FAT3: variants seen among roughly 807,000 people sequenced by gnomAD.
The protein encoded by FAT3 is protocadherin Fat 3.
A neutral mutation model predicts 310.2 loss-of-function variants in FAT3; 95 were observed. That is an observed-to-expected ratio of 0.31 (90% CI 0.26 to 0.36). The LOEUF is 0.36. Among genes scored for constraint, FAT3 ranks in the 10% least tolerant of loss-of-function variants. The probability of loss-of-function intolerance (pLI) is 1.00; values close to 1 mark genes in which losing one functional copy is unlikely to be tolerated. For synonymous variants in FAT3, 2,314 were observed against 2,192.9 expected, an observed-to-expected ratio of 1.06 and a Z score of -1.54; for missense variants, 5,408 against 5,715.6, an observed-to-expected ratio of 0.95 and a Z score of 1.74.
chr11:92,345,925 T>A (rs1330959336), intron 1 of FAT3, among the ~76,000 whole-genome samples: 1 of 152,208 alleles, frequency 6.6e-6, no homozygotes, highest in African/African-American at 2.4e-5. Context: ...TCAGTGACTT[T>A]ACATGGCTTT....
chr11:92,494,940 T>C (rs982696227), intron 2 of FAT3, among the ~76,000 whole-genome samples: 2 of 152,038 alleles, frequency 1.3e-5, no homozygotes, highest in African/African-American at 4.8e-5. Flanking sequence ...AAACATTATA[T>C]AGGGACAGCA....
rs770039012 is a variant in FAT3, at chr11:92,840,765, G to T, written c.10566+6G>T. Reference sequence around the variant, plus strand: ...AATACGTGTTGTGTGTCCAGGTATGGCATCGCACTCTGTCTCCGTCGTGCT... The same window carrying T: ...AATACGTGTTGTGTGTCCAGGTATGTCATCGCACTCTGTCTCCGTCGTGCT... On this transcript the variant is annotated splice_donor_region_variant and intron_variant, in intron 18 of 27. Transcript: ENST00000525166. 1 of 1,554,076 alleles carries T rather than the reference G, an allele frequency of 6.4e-7. No individual in the cohort carries two copies. The highest frequency in any genetic ancestry group is 8.8e-7 in the Non-Finnish European group (1 of 1,137,836).
chr11:92,449,238 A>G (rs779544986), intron 2 of FAT3, among the ~76,000 whole-genome samples: 10 of 152,290 alleles, frequency 6.6e-5, no homozygotes, highest in Middle Eastern at 3.4e-3. Flanking sequence ...TGTATTTATC[A>G]ATTAGAAATG....
intron 1 of FAT3, among the ~76,000 whole-genome samples, chr11:92,233,581 T>C (rs1864283445): frequency 6.6e-6 from 1 of 152,174 alleles, no homozygotes; most frequent in Non-Finnish European, 1.5e-5. Flanking sequence ...TAAGTCGTAA[T>C]GTATGTGTGA....
chr11:92,298,584 C>T (rs537147006), intron 1 of FAT3, among the ~76,000 whole-genome samples: 27 of 152,218 alleles, frequency 1.8e-4, no homozygotes, highest in African/African-American at 6.3e-4. Flanking sequence ...AAGTCTCATG[C>T]TTTCTGTGCT....
In FAT3 at chr11:92,801,719, C is replaced by T. The variant is rs764521183; in HGVS notation, c.8706C>T (p.Phe2902=). 9 of 1,613,852 alleles carry T rather than the reference C, an allele frequency of 5.6e-6. No homozygotes were observed. The Admixed American group carries it at 8.3e-5, about 15-fold the overall frequency. The change falls in exon 10 of 28, where the codon TTC becomes TTT. Residue 2902 remains phenylalanine, a synonymous_variant. Transcript: ENST00000525166. ...TGGCCTCTGACCTTGGAGAGGCATT[C>T]TCTCTTTCCTCCACGGCCTTGGTCT... The part of the protein sequence containing the change: ...SVVASDLGEA[F]SLSSTALVSV...
At chr11:92,644,208 G>A (rs1274678742) in intron 3 of FAT3, among the ~76,000 whole-genome samples, 5 of 152,194 alleles carry the variant, frequency 3.3e-5, no homozygotes, top group Non-Finnish European at 5.9e-5. Flanking sequence ...TCTCTTTTTA[G>A]TAAAAGTGCC....
intron 3 of FAT3, among the ~76,000 whole-genome samples, chr11:92,626,356 C>G (rs7940543): frequency 0.027 from 4,092 of 152,120 alleles, 178 homozygotes; most frequent in African/African-American, 0.094. Context: ...CCACCTGGGA[C>G]TTTTTAGGTG....
At chr11:92,284,061 T>G (rs1403927100) in intron 1 of FAT3, among the ~76,000 whole-genome samples, 3 of 152,076 alleles carry the variant, frequency 2.0e-5, no homozygotes, top group Non-Finnish European at 4.4e-5. Flanking sequence ...TTCTACATCC[T>G]CAGAACCAAG....
At chr11:92,479,276 G>T (rs1429001524) in intron 2 of FAT3, among the ~76,000 whole-genome samples, 2 of 151,134 alleles carry the variant, frequency 1.3e-5, no homozygotes, top group Non-Finnish European at 2.9e-5. Context: ...CTCCCAAAGT[G>T]CTGGGATTAC....
chr11:92,427,650 T>G (rs1330716236), intron 2 of FAT3, among the ~76,000 whole-genome samples: 1 of 152,196 alleles, frequency 6.6e-6, no homozygotes, highest in Non-Finnish European at 1.5e-5. Context: ...TCTTTGGTTC[T>G]GTTTATGTGA....
intron 3 of FAT3, among the ~76,000 whole-genome samples, chr11:92,538,987 G>T (rs1200038789): frequency 6.6e-6 from 1 of 152,042 alleles, no homozygotes; most frequent in Admixed American, 6.6e-5. Flanking sequence ...TAAATGTGTG[G>T]CCTTTGCAGA....
At chr11:92,730,674 C>G (rs1945148450) in intron 4 of FAT3, among the ~76,000 whole-genome samples, 1 of 152,192 alleles carries the variant, frequency 6.6e-6, no homozygotes, top group South Asian at 2.1e-4. Context: ...ACCCCAGTCT[C>G]CATGTGGGAT....
At position 92,449,747 on chromosome 11, in the gene FAT3, G is replaced by GA. The variant is rs1439459699; in HGVS notation, c.3293-74881dup. 2.0e-5 allele frequency among the ~76,000 whole-genome samples: 3 copies of GA among 152,094 alleles called. 1 individual carries two copies. The highest frequency in any genetic ancestry group is 4.1e-4 in the South Asian group (2 of 4,832). ...CTGAATTGGGGCTTTTCTCAGAATT[G>GA]AAAAAATTGGAATTATGACATAGGA... is the stretch of plus-strand genomic sequence containing the variant. On this transcript the variant is annotated intron_variant, in intron 2 of 27. Coordinates refer to ENST00000525166, the MANE Select transcript of FAT3 (RefSeq NM_001367949.2).
At chr11:92,304,613 A>G (rs913765847) in intron 1 of FAT3, among the ~76,000 whole-genome samples, 1 of 152,134 alleles carries the variant, frequency 6.6e-6, no homozygotes, top group Admixed American at 6.6e-5. Context: ...GTAGATGTGA[A>G]GAGGCAAAAA....
At chr11:92,791,468 AACTC>A (rs1947038467) in intron 8 of FAT3, among the ~76,000 whole-genome samples, 1 of 152,196 alleles carries the variant, frequency 6.6e-6, no homozygotes, top group Non-Finnish European at 1.5e-5. Flanking sequence ...GCTAGTGACT[AACTC>A]CATTCTCATG....
intron 3 of FAT3, among the ~76,000 whole-genome samples, chr11:92,560,813 A>G (rs118092280): frequency 6.6e-6 from 1 of 152,268 alleles, no homozygotes; most frequent in East Asian, 1.9e-4. Flanking sequence ...TGGTCAGTTT[A>G]TGAATGAGTC....
intron 2 of FAT3, among the ~76,000 whole-genome samples, chr11:92,373,996 A>G (rs1949268920): frequency 6.6e-6 from 1 of 151,114 alleles, no homozygotes; most frequent in South Asian, 2.1e-4. Context: ...TATAACTCTC[A>G]GTCTGTGGCC....
intron 22 of FAT3, among the ~76,000 whole-genome samples, chr11:92,876,655 C>T (rs1044715038): frequency 6.6e-6 from 1 of 152,212 alleles, no homozygotes; most frequent in Non-Finnish European, 1.5e-5. Context: ...GTCTCCTCCA[C>T]TTGGAAATAT....
Sources: gnomAD v4.1 joint callset for allele counts (sites outside exome capture counted in the v4.1 genomes callset) on GRCh38, gnomAD v4.1.1 for gene constraint, MANE v1.5 for transcripts, NCBI Gene and HGNC (gene_info 2026-07-23, HGNC 2026-07-21) for gene names.